The following MACROD2 variants were observed in gnomAD, a reference collection of about 807,000 sequenced individuals.
MACROD2 encodes the protein ADP-ribose glycohydrolase MACROD2.
Under a neutral mutation model 70.4 loss-of-function variants are expected in MACROD2, and 36 were observed. The observed-to-expected ratio is 0.51, with a 90% CI of 0.39 to 0.68. The LOEUF is 0.68. Among genes scored for constraint, MACROD2 ranks in the 30% least tolerant of loss-of-function variants. The probability of loss-of-function intolerance (pLI) is 0.00; values close to 1 mark genes in which losing one functional copy is unlikely to be tolerated. For missense variants in MACROD2, 496 were observed against 538.4 expected, an observed-to-expected ratio of 0.92 and a Z score of 0.78; for synonymous variants, 172 against 178.8, an observed-to-expected ratio of 0.96 and a Z score of 0.30.
chr20:14,538,511 T>G (rs2085393616), intron 4 of MACROD2, among the ~76,000 whole-genome samples: 1 of 152,196 alleles, frequency 6.6e-6, no homozygotes, highest in African/African-American at 2.4e-5. Flanking sequence ...CTACTGCACT[T>G]AGAGCAAAAT....
At chr20:15,024,162 G>GAACTAA (rs2075211747) in intron 5 of MACROD2, among the ~76,000 whole-genome samples, 1 of 152,152 alleles carries the variant, frequency 6.6e-6, no homozygotes, top group Admixed American at 6.5e-5. Context: ...CCAAAGAGCA[G>GAACTAA]GAACTCTGTA....
At chr20:14,466,223 T>A (rs1336016120) in intron 3 of MACROD2, among the ~76,000 whole-genome samples, 1 of 151,818 alleles carries the variant, frequency 6.6e-6, no homozygotes, top group African/African-American at 2.4e-5. Flanking sequence ...CTTGGAGGCT[T>A]TGTTGATTTC....
rs193009386 is a variant in MACROD2 at position 15,367,610 on chromosome 20, A to G, written c.541-63795A>G. ...AAAACAAATTCAGGATCTTCTAAGT[A>G]TAGAAGGGTTTTACATTTTTTTTTC... is the stretch of plus-strand genomic sequence containing the variant. On this transcript the variant is annotated intron_variant, in intron 6 of 17. Transcript: ENST00000684519. Among the ~76,000 whole-genome samples the G allele has an allele frequency of 1.2e-4, 18 of 152,260 alleles. No homozygotes were observed. The East Asian group carries it at 3.5e-3, about 29-fold the overall frequency.
At chr20:15,395,164 A>T (rs55671444) in intron 6 of MACROD2, among the ~76,000 whole-genome samples, 6,167 of 152,276 alleles carry the variant, frequency 0.04, 161 homozygotes, top group Middle Eastern at 0.082. Flanking sequence ...TTCACCAATG[A>T]CCATTATCCC....
intron 5 of MACROD2, among the ~76,000 whole-genome samples, chr20:14,764,041 C>T (rs1344179124): frequency 6.6e-6 from 1 of 152,016 alleles, no homozygotes; most frequent in Non-Finnish European, 1.5e-5. Flanking sequence ...TCACTTATAT[C>T]CCTTCTCTGT....
At chr20:14,297,211 A>G (rs1344917273) in intron 3 of MACROD2, among the ~76,000 whole-genome samples, 1 of 151,788 alleles carries the variant, frequency 6.6e-6, no homozygotes, top group Non-Finnish European at 1.5e-5. Context: ...GAGACACAAC[A>G]ATATTAAAAT....
At chr20:15,207,018 G>T (rs2076714390) in intron 5 of MACROD2, among the ~76,000 whole-genome samples, 1 of 151,226 alleles carries the variant, frequency 6.6e-6, no homozygotes, top group Admixed American at 6.6e-5. Context: ...TTACAGGCGT[G>T]AGCCACCGCG....
chr20:14,494,228 T>G (rs753913542), intron 4 of MACROD2: 4 of 152,034 alleles, frequency 2.6e-5, no homozygotes, highest in Non-Finnish European at 4.4e-5. Flanking sequence ...AAGGCCCAGA[T>G]GGACATAACT....
chr20:14,744,856 C>G (rs1895618022), intron 5 of MACROD2, among the ~76,000 whole-genome samples: 1 of 152,046 alleles, frequency 6.6e-6, no homozygotes, highest in African/African-American at 2.4e-5. Context: ...CAAACCCCAG[C>G]CAAACTGGTA....
intron 5 of MACROD2, among the ~76,000 whole-genome samples, chr20:15,149,291 G>A (rs1253525087): frequency 6.6e-6 from 1 of 152,048 alleles, no homozygotes; most frequent in Admixed American, 6.5e-5. Flanking sequence ...CTAAGAGGTG[G>A]GCTAGTGGCT....
intron 3 of MACROD2, among the ~76,000 whole-genome samples, chr20:14,348,704 A>G (rs1208252750): frequency 6.6e-6 from 1 of 152,218 alleles, no homozygotes; most frequent in Non-Finnish European, 1.5e-5. Flanking sequence ...TAAAAAATAA[A>G]TGAATATTTA....
At chr20:15,357,501 A>G (rs1173888798) in intron 6 of MACROD2, among the ~76,000 whole-genome samples, 5 of 152,126 alleles carry the variant, frequency 3.3e-5, no homozygotes, top group Admixed American at 6.6e-5. Context: ...ACTTGTGTCT[A>G]TGAGATATTA....
intron 5 of MACROD2, among the ~76,000 whole-genome samples, chr20:15,168,168 T>C (rs1447841341): frequency 1.3e-5 from 2 of 152,134 alleles, no homozygotes; most frequent in African/African-American, 4.8e-5. Flanking sequence ...GACTAAACAA[T>C]AATACTTCAC....
At chr20:15,550,981 C>T (rs773942503) in intron 8 of MACROD2, among the ~76,000 whole-genome samples, 9 of 152,096 alleles carry the variant, frequency 5.9e-5, no homozygotes, top group Non-Finnish European at 8.8e-5. Context: ...TTTTATCCAG[C>T]GTGCCTGCAG....
intron 6 of MACROD2, among the ~76,000 whole-genome samples, chr20:15,346,608 A>G (rs913781505): frequency 6.6e-6 from 1 of 152,160 alleles, no homozygotes; most frequent in Non-Finnish European, 1.5e-5. Context: ...TGCCGGGGGA[A>G]GGAGGAGGTC....
intron 15 of MACROD2, among the ~76,000 whole-genome samples, chr20:16,005,886 G>A (rs969493470): frequency 2.0e-5 from 3 of 151,968 alleles, no homozygotes; most frequent in Non-Finnish European, 4.4e-5. Context: ...TTCCCCTATT[G>A]TTCTCTCAGT....
intron 4 of MACROD2, among the ~76,000 whole-genome samples, chr20:14,642,446 T>G (rs1324920633): frequency 6.6e-6 from 1 of 152,174 alleles, no homozygotes; most frequent in African/African-American, 2.4e-5. Context: ...GGGTAACTAT[T>G]TGGTGCAAGA....
chr20:15,334,756 C>G (rs756759463), intron 6 of MACROD2, among the ~76,000 whole-genome samples: 25 of 151,436 alleles, frequency 1.7e-4, no homozygotes, highest in Non-Finnish European at 3.5e-4. Flanking sequence ...ATATTATGTT[C>G]AATTTGTTAA....
chr20:14,059,812 G>C (rs13433198), intron 2 of MACROD2, among the ~76,000 whole-genome samples: 23,076 of 152,132 alleles, frequency 0.15, 1,949 homozygotes, highest in Admixed American at 0.22. Context: ...AATGTGATAA[G>C]TGCTATAAAG....
Sources: gnomAD v4.1 joint callset for allele counts (sites outside exome capture counted in the v4.1 genomes callset) on GRCh38, gnomAD v4.1.1 for gene constraint, MANE v1.5 for transcripts, NCBI Gene and HGNC (gene_info 2026-07-23, HGNC 2026-07-21) for gene names.